Variants in HDLBP observed in about 807,000 individuals in gnomAD.
The protein encoded by HDLBP is vigilin.
In HDLBP, 30 loss-of-function variants were observed where a neutral mutation model predicts 137.3. The ratio of observed to expected loss-of-function variants is 0.22; its 90% CI spans 0.16 to 0.30. HDLBP has a LOEUF of 0.30. Ranked by LOEUF, HDLBP falls within the 10% of genes least tolerant of loss-of-function variation. The pLI, the probability that HDLBP is intolerant of heterozygous loss-of-function variation, is 1.00. For missense variants in HDLBP, 1,119 were observed against 1,667.3 expected, an observed-to-expected ratio of 0.67 and a Z score of 5.73; for synonymous variants, 606 against 596.0, an observed-to-expected ratio of 1.02 and a Z score of -0.24.
chr2:241,262,678 T>C (rs760946403), intron 5 of HDLBP, 33 bp downstream of exon 5: 23 of 1,523,232 alleles, frequency 1.5e-5, no homozygotes, highest in Non-Finnish European at 2.1e-5. Context: ...GGGTACACAG[T>C]CACTGGGGAG....
intron 2 of HDLBP, chr2:241,267,882 C>T (rs2073797812): frequency 2.0e-6 from 2 of 985,454 alleles, no homozygotes; most frequent in Non-Finnish European, 1.2e-6. Flanking sequence ...TTCTCATTAG[C>T]ACAGCCACAG....
chr2:241,250,614 A>T (rs2072057657), intron 11 of HDLBP: 2 of 152,552 alleles, frequency 1.3e-5, no homozygotes, highest in Admixed American at 1.3e-4. Flanking sequence ...TATCATCAGG[A>T]AACAAGGCAG....
intron 5 of HDLBP, among the ~76,000 whole-genome samples, chr2:241,257,905 CTAAGT>C (rs1574943020): frequency 6.6e-6 from 1 of 152,170 alleles, no homozygotes; most frequent in Non-Finnish European, 1.5e-5. Flanking sequence ...AGAAACAGAG[CTAAGT>C]TAATATAAAC....
chr2:241,278,583 C>CAA (rs34809445), intron 1 of HDLBP, among the ~76,000 whole-genome samples: 14 of 142,804 alleles, frequency 9.8e-5, no homozygotes, highest in Admixed American at 6.2e-4. Context: ...ACTCCATCTC[C>CAA]AAAAAAAAAA....
chr2:241,293,932 A>AAG (rs1559549934), intron 1 of HDLBP, among the ~76,000 whole-genome samples: 1 of 151,894 alleles, frequency 6.6e-6, no homozygotes, highest in Non-Finnish European at 1.5e-5. Flanking sequence ...AAAAAAAAAA[A>AAG]AAAACAAAAA....
intron 1 of HDLBP, among the ~76,000 whole-genome samples, chr2:241,299,896 C>A (rs1475373528): frequency 1.4e-5 from 2 of 143,518 alleles, no homozygotes; most frequent in Admixed American, 7.4e-5. Context: ...GCCTGGGGGA[C>A]AGAGCGAGAT....
chr2:241,248,535 T>C (rs1470155089), intron 12 of HDLBP, among the ~76,000 whole-genome samples, 187 bp from the exon 13 acceptor site: 3 of 151,994 alleles, frequency 2.0e-5, no homozygotes, highest in African/African-American at 7.2e-5. Flanking sequence ...GCATAATGAG[T>C]GCTCTCACCA....
In HDLBP at chr2:241,229,438, G is replaced by T; in HGVS notation, c.*163C>A. The T allele has an allele frequency of 1.7e-6, 1 of 586,786 alleles. No homozygotes were observed. Among genetic ancestry groups the T allele is most frequent in the African/African-American group, 1.9e-5 (1 of 53,336 alleles). 36.3% of individuals were successfully genotyped at this position (586,786 alleles called of 1,614,324 possible). A position where few individuals can be genotyped will look rare whatever the true frequency, so the allele number is the denominator to read the frequency against. On this transcript the variant is annotated 3_prime_UTR_variant, in exon 28 of 28. Coordinates refer to ENST00000310931, the MANE Select transcript of HDLBP (RefSeq NM_005336.6). Reference sequence around the variant, plus strand: ...CGGGCACGGCCAGGCCTGGAGGAGCGGCCGCACACACAGCCAGGCGCTAGG... The same window carrying T: ...CGGGCACGGCCAGGCCTGGAGGAGCTGCCGCACACACAGCCAGGCGCTAGG...
intron 5 of HDLBP, among the ~76,000 whole-genome samples, chr2:241,259,092 G>C (rs781734379): frequency 4.6e-5 from 7 of 152,176 alleles, no homozygotes; most frequent in Non-Finnish European, 8.8e-5. Context: ...AGGAAAGCCT[G>C]GGTAAATTAC....
At chr2:241,257,265 G>C (rs146153828) in intron 5 of HDLBP, among the ~76,000 whole-genome samples, 6 of 152,106 alleles carry the variant, frequency 3.9e-5, no homozygotes, top group African/African-American at 1.4e-4. Context: ...ACGGAGTCTC[G>C]CTCTGACGTC....
Position 241,233,408 on chromosome 2 carries a change from C to T in HDLBP, c.3288+412G>A, listed in dbSNP as rs577953383. Among the ~76,000 whole-genome samples the T allele has an allele frequency of 5.3e-5, 8 of 152,222 alleles. No homozygotes were observed. The highest frequency in any genetic ancestry group is 9.6e-5 in the African/African-American group (4 of 41,546). ...ACTAAGGACCATCTGGCAAGCACAA[C>T]GGTGTTTGCAGCTGGGGCTGCAGAG... is the stretch of plus-strand genomic sequence containing the variant. On this transcript the variant is annotated intron_variant, in intron 24 of 27. Transcript: ENST00000310931. This position sits in a 1 kb window ranked among gnomAD's most constrained non-coding sequence, Gnocchi z 4.3.
At chr2:241,273,597 G>A (rs2074274836) in intron 1 of HDLBP, 1 of 985,344 alleles carries the variant, frequency 1.0e-6, no homozygotes, top group African/African-American at 1.7e-5. Context: ...TATAAAGGGA[G>A]TCGAGCAATC....
In HDLBP at chr2:241,314,627, G is replaced by A. The variant is rs1575075644; in HGVS notation, c.-103+943C>T. Reference sequence around the variant, plus strand: ...GCACTGTTTAATAAGCAAAGCCCAAGTCGACTTCCTTCGATTTTACATGGC... The same window carrying A: ...GCACTGTTTAATAAGCAAAGCCCAAATCGACTTCCTTCGATTTTACATGGC... On this transcript the variant is annotated intron_variant, in intron 1 of 27. Coordinates refer to ENST00000310931, the MANE Select transcript of HDLBP (RefSeq NM_005336.6). 2.6e-5 allele frequency among the ~76,000 whole-genome samples: 4 copies of A among 152,270 alleles called. 1 individual carries two copies. The South Asian group carries it at 8.3e-4, about 32-fold the overall frequency.
At chr2:241,314,456 A>G (rs894641054) in intron 1 of HDLBP, among the ~76,000 whole-genome samples, 2 of 152,228 alleles carry the variant, frequency 1.3e-5, no homozygotes, top group Non-Finnish European at 2.9e-5. Context: ...GACACCAAAT[A>G]AATGTGAAGT....
Position 241,239,029 on chromosome 2 carries a change from G to A in HDLBP, c.2611-242C>T, listed in dbSNP as rs751461142. Among the ~76,000 whole-genome samples the A allele has an allele frequency of 1.3e-5, 2 of 152,154 alleles. No individual in the cohort carries two copies. Among genetic ancestry groups the A allele is most frequent in the Non-Finnish European group, 2.9e-5 (2 of 68,024 alleles). ...GGCCAGGTGCCATCCCTGGAGGGTG[G>A]CCAATTCAGCCAAAGGAGTGGGACC... On this transcript the variant is annotated intron_variant, in intron 19 of 27. Transcript: ENST00000310931. The surrounding 1 kb of genome is among the most constrained non-coding windows in gnomAD (Gnocchi z 4.6).
At position 241,230,521 on chromosome 2, in the gene HDLBP, C is replaced by T. The variant is rs989650763; in HGVS notation, c.3474+238G>A. ...GCATGAAATTCCCACCCACAGAGGACGAGCTCGCCAGGCAGCTGTCAAGGA... is the reference window on the plus strand; with the variant it reads ...GCATGAAATTCCCACCCACAGAGGATGAGCTCGCCAGGCAGCTGTCAAGGA... On this transcript the variant is annotated intron_variant, in intron 25 of 27. Coordinates refer to ENST00000310931, the MANE Select transcript of HDLBP (RefSeq NM_005336.6). The surrounding 1 kb of genome is among the most constrained non-coding windows in gnomAD (Gnocchi z 5.0). Among the ~76,000 whole-genome samples the T allele has an allele frequency of 3.3e-5, 5 of 152,226 alleles. No homozygotes were observed. Among genetic ancestry groups the T allele is most frequent in the South Asian group, 2.1e-4 (1 of 4,834 alleles).
chr2:241,259,491 T>C (rs968801141), intron 5 of HDLBP, among the ~76,000 whole-genome samples: 5 of 151,260 alleles, frequency 3.3e-5, no homozygotes, highest in Non-Finnish European at 3.0e-5. Flanking sequence ...CTTCAAGTGA[T>C]TTTGAACTCA....
Position 241,236,621 on chromosome 2 carries a change from A to G in HDLBP, c.2898T>C (p.Ala966=), listed in dbSNP as rs750622676. The change falls in exon 21 of 28, where the codon GCT becomes GCC. Residue 966 remains alanine, a synonymous_variant. Transcript: ENST00000310931. ...RKEKCEAAKE[A]LEALVPVTIE... ...GGGGCACATGGACACATACCTCCAG[A>G]GCTTCCTTGGCAGCCTCACACTTTT... is the stretch of plus-strand genomic sequence containing the variant. 7 of 1,613,664 alleles carry G rather than the reference A, an allele frequency of 4.3e-6. No individual in the cohort carries two copies. The African/African-American group carries it at 9.4e-5, about 22-fold the overall frequency.
chr2:241,231,182 C>T, intron 24 of HDLBP: 2 of 443,800 alleles, frequency 4.5e-6, no homozygotes, highest in East Asian at 4.2e-5. Context: ...GTCCGGAATT[C>T]GTGACCAGCC....
Sources: allele counts gnomAD v4.1 joint callset (sites outside exome capture counted in the v4.1 genomes callset), GRCh38; gene constraint gnomAD v4.1.1; non-coding constraint Gnocchi (gnomAD v3.1); transcripts MANE v1.5; gene names NCBI Gene and HGNC (gene_info 2026-07-23, HGNC 2026-07-21).